The following ACOT13 variants were observed in gnomAD, a reference collection of about 807,000 sequenced individuals.
The protein encoded by ACOT13 is acyl-coenzyme A thioesterase 13.
ACOT13 carries 10 observed loss-of-function variants against 11.8 expected under a neutral mutation model. The observed-to-expected ratio is 0.85, with a 90% CI of 0.53 to 1.44. ACOT13 has a LOEUF of 1.44. ACOT13 is among the 40% of genes most tolerant of loss of function. The pLI is 0.00. For synonymous variants in ACOT13, 53 were observed against 61.0 expected, an observed-to-expected ratio of 0.87 and a Z score of 0.61; for missense variants, 172 against 174.1, an observed-to-expected ratio of 0.99 and a Z score of 0.07.
chr6:24,699,311 A>G lies in ACOT13; in HGVS notation c.266+1244A>G, dbSNP rs374516891. Among the ~76,000 whole-genome samples the G allele has an allele frequency of 7.6e-3, 1,120 of 148,198 alleles. 7 individuals are homozygous for G. Among genetic ancestry groups the G allele is most frequent in the Non-Finnish European group, 0.012 (814 of 67,388 alleles). ...TGCAAGCTCCGCCTCCCGGGTTCAC[A>G]CCATTCTCCTGCCTCAGCCTCCCGA... On this transcript the variant is annotated intron_variant, in intron 2 of 2. Transcript: ENST00000230048.
intron 1 of ACOT13, among the ~76,000 whole-genome samples, chr6:24,687,956 T>G (rs1582441530): frequency 6.6e-6 from 1 of 151,788 alleles, no homozygotes. Flanking sequence ...CAAGTGATCC[T>G]CCTGCCTCAG....
intron 1 of ACOT13, among the ~76,000 whole-genome samples, chr6:24,673,906 CA>C (rs1778402621): frequency 6.6e-6 from 1 of 151,790 alleles, no homozygotes; most frequent in African/African-American, 2.4e-5. Flanking sequence ...ATTTACCATA[CA>C]GTATTCTTTC....
rs1250893032 is a variant in ACOT13 at position 24,697,964 on chromosome 6, C to G, written c.163C>G (p.Leu55Val). Residue 55 changes from leucine (L) to valine (V), a missense_variant, in exon 2 of 3, where the codon CTC becomes GTC. Transcript: ENST00000230048. Reference protein sequence around the residue: ...EEEHTNAIGTLHGGLTATLVD... With the variant: ...EEEHTNAIGTVHGGLTATLVD... ...AGAGCATACCAATGCAATAGGCACTCTCCACGGCGGTTTGACAGCCACGTT... is the reference window on the plus strand; with the variant it reads ...AGAGCATACCAATGCAATAGGCACTGTCCACGGCGGTTTGACAGCCACGTT... 2 of 1,613,852 alleles carry G rather than the reference C, an allele frequency of 1.2e-6. No homozygotes were observed. The highest frequency in any genetic ancestry group is 2.7e-5 in the African/African-American group (2 of 74,922).
intron 1 of ACOT13, among the ~76,000 whole-genome samples, chr6:24,693,790 C>T (rs1371602834): frequency 1.3e-5 from 2 of 150,104 alleles, no homozygotes; most frequent in Non-Finnish European, 3.0e-5. Context: ...GTGGTGCGAA[C>T]TCGGCTAACC....
Position 24,704,395 on chromosome 6 carries a change from T to C in ACOT13, c.*2780T>C, listed in dbSNP as rs912761237. On this transcript the variant is annotated 3_prime_UTR_variant, in exon 3 of 3. Coordinates refer to ENST00000230048, the MANE Select transcript of ACOT13 (RefSeq NM_018473.4). Reference sequence around the variant, plus strand: ...TGGTGAACATAAGTGTAATTCAATATGGTAAATTAATTCAACATGGTAAAT... The same window carrying C: ...TGGTGAACATAAGTGTAATTCAATACGGTAAATTAATTCAACATGGTAAAT... 14 of 152,068 alleles carry C rather than the reference T, an allele frequency of 9.2e-5. No homozygotes were observed. The highest frequency in any genetic ancestry group is 3.1e-4 in the African/African-American group (13 of 41,450). 9.4% of individuals were successfully genotyped at this position (152,068 alleles called of 1,614,324 possible).
chr6:24,667,119 C>A lies in ACOT13; in HGVS notation c.-145C>A. ...CCACCGGGGCTGCCAGCTCGCCTGACTCCCGGCCTCTTGCGCTCCTAGGGG... is the reference window on the plus strand; with the variant it reads ...CCACCGGGGCTGCCAGCTCGCCTGAATCCCGGCCTCTTGCGCTCCTAGGGG... On this transcript the variant is annotated 5_prime_UTR_variant, in exon 1 of 3. Coordinates refer to ENST00000230048, the MANE Select transcript of ACOT13 (RefSeq NM_018473.4). 1.1e-6 allele frequency: 1 copy of A among 911,948 alleles called. No homozygotes were observed. The highest frequency in any genetic ancestry group is 1.6e-6 in the Non-Finnish European group (1 of 607,146). 56.5% of individuals were successfully genotyped at this position (911,948 alleles called of 1,614,324 possible). A position where few individuals can be genotyped will look rare whatever the true frequency, so the allele number is the denominator to read the frequency against.
chr6:24,687,982 G>T (rs549064693), intron 1 of ACOT13, among the ~76,000 whole-genome samples: 9 of 151,886 alleles, frequency 5.9e-5, no homozygotes, highest in Admixed American at 5.9e-4. Flanking sequence ...CAAAGTGCTA[G>T]GATTACAGGT....
In ACOT13 at chr6:24,704,313, C is replaced by T. The variant is rs572912297; in HGVS notation, c.*2698C>T. 5.9e-5 allele frequency: 9 copies of T among 152,180 alleles called. No individual in the cohort carries two copies. The highest frequency in any genetic ancestry group is 1.2e-4 in the Non-Finnish European group (8 of 68,016). 9.4% of individuals were successfully genotyped at this position (152,180 alleles called of 1,614,324 possible). On this transcript the variant is annotated 3_prime_UTR_variant, in exon 3 of 3. Transcript: ENST00000230048. Reference sequence around the variant, plus strand: ...AACAGCTTTCATATTACTCTGGTAACTTTTCTAAATTATTCCAAAATAAAA... The same window carrying T: ...AACAGCTTTCATATTACTCTGGTAATTTTTCTAAATTATTCCAAAATAAAA...
chr6:24,697,137 T>C (rs1439089337), intron 1 of ACOT13, among the ~76,000 whole-genome samples: 4 of 152,230 alleles, frequency 2.6e-5, no homozygotes, highest in Non-Finnish European at 4.4e-5. Context: ...ACTTTTTCCT[T>C]ATACTTACTA....
intron 1 of ACOT13, among the ~76,000 whole-genome samples, chr6:24,690,944 T>A (rs1425328548): frequency 2.0e-5 from 3 of 152,226 alleles, no homozygotes; most frequent in Admixed American, 6.5e-5. Flanking sequence ...CTTCCTCTGA[T>A]CTACTTCTAC....
At chr6:24,671,573 G>A (rs1473721238) in intron 1 of ACOT13, among the ~76,000 whole-genome samples, 2 of 152,040 alleles carry the variant, frequency 1.3e-5, no homozygotes, top group Non-Finnish European at 2.9e-5. Context: ...TAACAAAACT[G>A]CACGTTGTGC....
chr6:24,669,159 G>T (rs536432590), intron 1 of ACOT13, among the ~76,000 whole-genome samples: 1 of 152,206 alleles, frequency 6.6e-6, no homozygotes, highest in South Asian at 2.1e-4. Flanking sequence ...TTGAGGATGC[G>T]CACGCAGTGA....
intron 1 of ACOT13, among the ~76,000 whole-genome samples, chr6:24,678,579 T>C (rs1778494306): frequency 2.0e-5 from 3 of 152,170 alleles, no homozygotes; most frequent in South Asian, 2.1e-4. Flanking sequence ...TGCTCATCCA[T>C]ATTGTCCTTC....
intron 2 of ACOT13, chr6:24,700,886 A>G (rs2127629697): frequency 6.6e-6 from 1 of 151,420 alleles, no homozygotes; most frequent in East Asian, 1.9e-4. Context: ...AAACATTAAC[A>G]TTTGTTTTAA....
At chr6:24,682,908 G>C (rs1198480035) in intron 1 of ACOT13, among the ~76,000 whole-genome samples, 1 of 152,214 alleles carries the variant, frequency 6.6e-6, no homozygotes, top group Non-Finnish European at 1.5e-5. Flanking sequence ...CTCCCACTGT[G>C]CTCTCAGGCA....
chr6:24,667,791 T>C (rs528278005), intron 1 of ACOT13, among the ~76,000 whole-genome samples: 19 of 152,194 alleles, frequency 1.2e-4, no homozygotes, highest in South Asian at 2.1e-4. Flanking sequence ...TGTTCCTCTG[T>C]AGTGGTTTGG....
At chr6:24,693,898 A>G (rs1318366591) in intron 1 of ACOT13, among the ~76,000 whole-genome samples, 2 of 151,824 alleles carry the variant, frequency 1.3e-5, no homozygotes, top group African/African-American at 4.8e-5. Context: ...TGATTTTTGT[A>G]TTTTTAGTAG....
chr6:24,686,988 C>T (rs1188584813), intron 1 of ACOT13, among the ~76,000 whole-genome samples: 1 of 152,198 alleles, frequency 6.6e-6, no homozygotes, highest in Non-Finnish European at 1.5e-5. Context: ...AAATCTATCC[C>T]CATTACCCAA....
In ACOT13 at chr6:24,667,175, T is replaced by C; in HGVS notation, c.-89T>C. 7.3e-7 allele frequency: 1 copy of C among 1,362,626 alleles called. No homozygotes were observed. The highest frequency in any genetic ancestry group is 2.4e-5 in the East Asian group (1 of 41,824). The allele number at this position is 1,362,626 out of a possible 1,614,324, so 84.4% of individuals were successfully genotyped here. ...AAGGGTGCGGGCTCTTCGCCCTTTG[T>C]GTCCTCCTTCTTTCACTAACTTCTG... On this transcript the variant is annotated 5_prime_UTR_variant, in exon 1 of 3. Transcript: ENST00000230048.
Sources: allele counts gnomAD v4.1 joint callset (sites outside exome capture counted in the v4.1 genomes callset), GRCh38; gene constraint gnomAD v4.1.1; transcripts MANE v1.5; gene names NCBI Gene and HGNC (gene_info 2026-07-23, HGNC 2026-07-21).